The following NBEAL1 variants were observed in gnomAD, a reference collection of about 807,000 sequenced individuals.
The protein encoded by NBEAL1 is neurobeachin like 1.
NBEAL1 carries 273 observed loss-of-function variants against 351.3 expected under a neutral mutation model. The observed-to-expected ratio is 0.78, with a 90% CI of 0.70 to 0.86. NBEAL1 has a LOEUF of 0.86. Ranked by LOEUF, NBEAL1 falls within the 40% of genes least tolerant of loss-of-function variation. The pLI is 0.00. For synonymous variants in NBEAL1, 1,050 were observed against 1,086.4 expected (o/e 0.97, Z 0.66); for missense variants, 2,961 against 3,201.3 (o/e 0.92, Z 1.81).
chr2:203,093,160 A>C (rs1375572391), intron 10 of NBEAL1, among the ~76,000 whole-genome samples: 1 of 138,798 alleles, frequency 7.2e-6, no homozygotes, highest in Non-Finnish European at 1.5e-5. Flanking sequence ...TGAACCCAGG[A>C]GGTGGAGGTT....
At chr2:203,145,284 A>G in intron 33 of NBEAL1, 124 bp downstream of exon 33, 1 of 865,810 alleles carries the variant, frequency 1.2e-6, no homozygotes, top group Non-Finnish European at 1.7e-6. Context: ...TCTAAAAATT[A>G]TCTTAGAATT....
chr2:203,099,288 A>C (rs1402415639), intron 11 of NBEAL1, among the ~76,000 whole-genome samples: 2 of 152,070 alleles, frequency 1.3e-5, no homozygotes. Context: ...AAAAAAAAAA[A>C]AAAAAGTAAT....
chr2:203,108,049 A>G lies in NBEAL1; in HGVS notation c.1810A>G (p.Ser604Gly). The change falls in exon 14 of 56, where the codon AGT becomes GGT. Residue 604 changes from serine to glycine, a missense_variant. By Grantham distance (56) the Ser-to-Gly change is moderately conservative. Transcript: ENST00000683969. ...SALQYFNLSHSMAGISVPPIQ... is the reference protein window; with the variant it reads ...SALQYFNLSHGMAGISVPPIQ... ...CCTCCAGTATTTCAATTTGTCACATAGTATGGCAGGAATTTCTGTGCCTCC... is the reference window on the plus strand; with the variant it reads ...CCTCCAGTATTTCAATTTGTCACATGGTATGGCAGGAATTTCTGTGCCTCC... 6.4e-7 allele frequency: 1 copy of G among 1,553,246 alleles called. No individual in the cohort carries two copies. The highest frequency in any genetic ancestry group is 8.7e-7 in the Non-Finnish European group (1 of 1,147,480).
intron 33 of NBEAL1, among the ~76,000 whole-genome samples, chr2:203,146,631 A>G (rs1476130334): frequency 1.3e-5 from 2 of 152,062 alleles, no homozygotes; most frequent in African/African-American, 2.4e-5. Flanking sequence ...CATCTCTACA[A>G]AAAAATTAAA....
chr2:203,051,886 C>A (rs755066196), intron 4 of NBEAL1, among the ~76,000 whole-genome samples: 12 of 152,060 alleles, frequency 7.9e-5, no homozygotes, highest in Non-Finnish European at 1.6e-4. Context: ...CTTTAATAAA[C>A]TTTATGTTTT....
chr2:203,085,522 A>C (rs2061947610), intron 10 of NBEAL1: 1 of 152,190 alleles, frequency 6.6e-6, no homozygotes, highest in Non-Finnish European at 1.5e-5. Flanking sequence ...TTAGGCACAA[A>C]GTTTCAGAGC....
intron 42 of NBEAL1, among the ~76,000 whole-genome samples, 171 bp from the exon 43 acceptor site, chr2:203,180,209 GAT>G (rs2064662732): frequency 6.6e-6 from 1 of 152,292 alleles, no homozygotes; most frequent in East Asian, 1.9e-4. Flanking sequence ...CAATATGAAA[GAT>G]AGAGATTATC....
At chr2:203,020,648 G>A (rs2060754206) in intron 2 of NBEAL1, among the ~76,000 whole-genome samples, 1 of 149,774 alleles carries the variant, frequency 6.7e-6, no homozygotes, top group African/African-American at 2.5e-5. Context: ...TCCAGCCTGG[G>A]TGACAGAGTG....
At chr2:203,029,500 T>A (rs2060915091) in intron 2 of NBEAL1, among the ~76,000 whole-genome samples, 1 of 152,178 alleles carries the variant, frequency 6.6e-6, no homozygotes, top group African/African-American at 2.4e-5. Context: ...AGTTCTAGCC[T>A]GGGGCAACAT....
intron 33 of NBEAL1, among the ~76,000 whole-genome samples, chr2:203,147,229 C>A (rs2063536035): frequency 6.6e-6 from 1 of 151,856 alleles, no homozygotes; most frequent in African/African-American, 2.4e-5. Context: ...ATAAAACTAT[C>A]CAAAGATAAC....
chr2:203,064,359 A>G (rs1012740743), intron 6 of NBEAL1, among the ~76,000 whole-genome samples: 2 of 152,106 alleles, frequency 1.3e-5, no homozygotes, highest in African/African-American at 4.8e-5. Context: ...GGCCATGTGT[A>G]TGGTTTTAAA....
At position 203,190,159 on chromosome 2, in the gene NBEAL1, TACACACACACACACACACACACAC is replaced by T. The variant is rs71034227; in HGVS notation, c.6824-106_6824-83del. 3.6e-3 allele frequency: 1,631 copies of T among 446,918 alleles called. 11 individuals are homozygous for T. Among genetic ancestry groups the T allele is most frequent in the Middle Eastern group, 5.8e-3 (13 of 2,228 alleles). The allele number at this position is 446,918 out of a possible 1,614,324, so 27.7% of individuals were successfully genotyped here. ...TCAAAAAAAAAAAAAAAGATGTGTG[TACACACACACACACACACACACAC>T]ACACACACACACACACACACACACA... On this transcript the variant is annotated intron_variant, in intron 45 of 55. Coordinates refer to ENST00000683969, the MANE Select transcript of NBEAL1 (RefSeq NM_001378026.1).
rs1376076453 is a variant in NBEAL1 at position 203,049,995 on chromosome 2, A to T, written c.305+20A>T. The T allele has an allele frequency of 6.5e-7, 1 of 1,549,262 alleles. No individual in the cohort carries two copies. Among genetic ancestry groups the T allele is most frequent in the Admixed American group, 2.0e-5 (1 of 50,810 alleles). On this transcript the variant is annotated intron_variant, in intron 4 of 55. Coordinates refer to ENST00000683969, the MANE Select transcript of NBEAL1 (RefSeq NM_001378026.1). ...TTGCAGGTATCTAGTAGAAAAAATAAGCTAGTTTTCACTCATAGGTGGGAG... is the reference window on the plus strand; with the variant it reads ...TTGCAGGTATCTAGTAGAAAAAATATGCTAGTTTTCACTCATAGGTGGGAG...
intron 18 of NBEAL1, among the ~76,000 whole-genome samples, chr2:203,120,888 T>G (rs948600217): frequency 6.6e-6 from 1 of 152,238 alleles, no homozygotes; most frequent in African/African-American, 2.4e-5. Flanking sequence ...GGATAACGTT[T>G]AAGTATTTGT....
At chr2:203,126,778 G>T in intron 22 of NBEAL1, 46 bp from the exon 23 acceptor site, 1 of 1,535,180 alleles carries the variant, frequency 6.5e-7, no homozygotes, top group South Asian at 1.2e-5. Context: ...ACTACCTATT[G>T]ACTTTATTTT....
At chr2:203,103,825 T>C (rs190921410) in intron 12 of NBEAL1, among the ~76,000 whole-genome samples, 12 of 152,308 alleles carry the variant, frequency 7.9e-5, no homozygotes, top group Admixed American at 3.3e-4. Flanking sequence ...TAGTTTCAAA[T>C]AATTTCTTTA....
intron 42 of NBEAL1, among the ~76,000 whole-genome samples, chr2:203,175,615 T>C (rs2064476712): frequency 6.6e-6 from 1 of 152,210 alleles, no homozygotes; most frequent in Admixed American, 6.5e-5. Context: ...TATGCCTATG[T>C]AGTCCTAAAA....
chr2:203,155,741 C>T (rs1193099337), intron 35 of NBEAL1, among the ~76,000 whole-genome samples: 3 of 152,208 alleles, frequency 2.0e-5, no homozygotes, highest in Non-Finnish European at 4.4e-5. Flanking sequence ...AGCCATCACA[C>T]TCAGCCTGTA....
At position 203,202,764 on chromosome 2, in the gene NBEAL1, T is replaced by G; in HGVS notation, c.7489T>G (p.Trp2497Gly). Reference sequence around the variant, plus strand: ...TTCCAGAGATACTACATGTATGATATGGCAAATAACACAACAGGTAGTCAC... The same window carrying G: ...TTCCAGAGATACTACATGTATGATAGGGCAAATAACACAACAGGTAGTCAC... ...SGSRDTTCMI[W>G]QITQQGGVPV... The change falls in exon 51 of 56, where the codon TGG becomes GGG. Residue 2497 changes from tryptophan to glycine, a missense_variant. By Grantham distance (184) the Trp-to-Gly change is radical. Transcript: ENST00000683969. The G allele has an allele frequency of 1.3e-6, 2 of 1,584,572 alleles. No homozygotes were observed. Among genetic ancestry groups the G allele is most frequent in the Non-Finnish European group, 1.7e-6 (2 of 1,153,782 alleles).
Sources: allele counts gnomAD v4.1 joint callset (sites outside exome capture counted in the v4.1 genomes callset), GRCh38; gene constraint gnomAD v4.1.1; transcripts MANE v1.5; gene names NCBI Gene and HGNC (gene_info 2026-07-23, HGNC 2026-07-21).